STX8: variants seen among roughly 807,000 people sequenced by gnomAD.
STX8 encodes the protein syntaxin 8.
STX8 carries 23 observed loss-of-function variants against 37.5 expected under a neutral mutation model. The ratio of observed to expected loss-of-function variants is 0.61; its 90% confidence interval spans 0.44 to 0.87. STX8 has a LOEUF of 0.87. Ranked by LOEUF, STX8 falls within the 40% of genes least tolerant of loss-of-function variation. The pLI is 0.00. For synonymous variants in STX8, 115 were observed against 99.1 expected (o/e 1.16, Z -0.95); for missense variants, 313 against 284.7 (o/e 1.10, Z -0.71).
intron 7 of STX8, among the ~76,000 whole-genome samples, chr17:9,373,502 T>C (rs1458064009): frequency 6.6e-6 from 1 of 152,166 alleles, no homozygotes; most frequent in Non-Finnish European, 1.5e-5. Context: ...ATAAGCCAGA[T>C]ATAAAAGTAT....
intron 6 of STX8, among the ~76,000 whole-genome samples, chr17:9,442,695 A>G (rs117819652): frequency 0.04 from 6,032 of 152,260 alleles, 164 homozygotes; most frequent in Middle Eastern, 0.085. Flanking sequence ...GGAACAAGCC[A>G]CTGTGCCCGG....
chr17:9,392,097 C>T (rs1161574978), intron 6 of STX8, among the ~76,000 whole-genome samples: 1 of 152,166 alleles, frequency 6.6e-6, no homozygotes, highest in African/African-American at 2.4e-5. Flanking sequence ...CCTGTGGCCT[C>T]AACTCAACCA....
At chr17:9,459,625 C>T (rs1905292030) in intron 6 of STX8, among the ~76,000 whole-genome samples, 1 of 152,198 alleles carries the variant, frequency 6.6e-6, no homozygotes, top group South Asian at 2.1e-4. Context: ...ACTCCATTCT[C>T]CTGCTTTAAC....
At chr17:9,556,819 ATT>A (rs1491344136) in intron 3 of STX8, 3 of 143,756 alleles carry the variant, frequency 2.1e-5, no homozygotes, top group South Asian at 4.3e-4. Context: ...ATATATATAT[ATT>A]TTAACACTTG....
At chr17:9,563,515 CAT>C (rs111974666) in intron 2 of STX8, among the ~76,000 whole-genome samples, 1,872 of 151,940 alleles carry the variant, frequency 0.012, 37 homozygotes, top group African/African-American at 0.042. Flanking sequence ...AAAGGAAAAA[CAT>C]AACACACAGA....
intron 5 of STX8, among the ~76,000 whole-genome samples, chr17:9,501,457 G>A (rs543286593): frequency 2.0e-5 from 3 of 152,262 alleles, no homozygotes; most frequent in Admixed American, 6.5e-5. Flanking sequence ...TTGGGAGGCC[G>A]AGGTGGGTGG....
intron 4 of STX8, among the ~76,000 whole-genome samples, chr17:9,511,859 A>C (rs1408010337): frequency 6.6e-6 from 1 of 152,188 alleles, no homozygotes; most frequent in Non-Finnish European, 1.5e-5. Context: ...CCAAAAAAAA[A>C]CCTCTCAGAA....
intron 7 of STX8, among the ~76,000 whole-genome samples, chr17:9,327,715 G>A (rs562108967): frequency 3.1e-4 from 47 of 152,088 alleles, no homozygotes; most frequent in African/African-American, 7.2e-4. Context: ...TCACTCTGTC[G>A]CCCAAGCTGC....
At chr17:9,389,793 G>C (rs1297232720) in intron 6 of STX8, among the ~76,000 whole-genome samples, 2 of 152,034 alleles carry the variant, frequency 1.3e-5, no homozygotes, top group East Asian at 3.9e-4. Context: ...TGAAGATAGA[G>C]TTTTTCTTGA....
At chr17:9,473,375 T>A (rs2142441919) in intron 6 of STX8, among the ~76,000 whole-genome samples, 1 of 152,284 alleles carries the variant, frequency 6.6e-6, no homozygotes, top group East Asian at 1.9e-4. Flanking sequence ...GTTTCCTTGC[T>A]GTAATATAAT....
At chr17:9,351,300 G>A (rs7214813) in intron 7 of STX8, among the ~76,000 whole-genome samples, 15,210 of 149,698 alleles carry the variant, frequency 0.1, 831 homozygotes, top group Middle Eastern at 0.18. Context: ...TGGGATTACA[G>A]GCGCGCACCA....
chr17:9,358,621 C>T (rs1270882506), intron 7 of STX8, among the ~76,000 whole-genome samples: 1 of 152,136 alleles, frequency 6.6e-6, no homozygotes, highest in African/African-American at 2.4e-5. Context: ...TTCGGTGACA[C>T]ATTGAGGAGA....
In STX8 at chr17:9,557,267, A is replaced by G. The variant is rs1003665001; in HGVS notation, c.212+167T>C. 6.9e-6 allele frequency: 4 copies of G among 581,460 alleles called. No homozygotes were observed. The African/African-American group carries it at 7.5e-5, about 11-fold the overall frequency. 36.0% of individuals were successfully genotyped at this position (581,460 alleles called of 1,614,324 possible). A position where few individuals can be genotyped will look rare whatever the true frequency, so the allele number is the denominator to read the frequency against. ...TTTGCCAGCATATTCACTGTAAAAC[A>G]TGTAACAGACACTTAAAATAGAAAT... is the stretch of plus-strand genomic sequence containing the variant. On this transcript the variant is annotated intron_variant, in intron 3 of 7. Coordinates refer to ENST00000306357, the MANE Select transcript of STX8 (RefSeq NM_004853.3).
chr17:9,518,847 C>T (rs372185908), intron 4 of STX8, among the ~76,000 whole-genome samples: 21 of 144,600 alleles, frequency 1.5e-4, no homozygotes, highest in African/African-American at 4.5e-4. Context: ...CCAGCCTGGG[C>T]GGCAGAGCGA....
At chr17:9,452,728 T>C (rs16958291) in intron 6 of STX8, among the ~76,000 whole-genome samples, 39,144 of 151,786 alleles carry the variant, frequency 0.26, 6,477 homozygotes, top group East Asian at 0.7. Flanking sequence ...TACACTGCCT[T>C]GGTTGTTGAT....
rs540546383 is a variant in STX8 at position 9,397,874 on chromosome 17, G to C, written c.542-19221C>G. Reference sequence around the variant, plus strand: ...TTGGTGGCAGTTGCCTGTAATATCAGGTACTCAGGAAGCTGAGGCAGGAGA... The same window carrying C: ...TTGGTGGCAGTTGCCTGTAATATCACGTACTCAGGAAGCTGAGGCAGGAGA... On this transcript the variant is annotated intron_variant, in intron 6 of 7. Transcript: ENST00000306357. Among the ~76,000 whole-genome samples, 7 of 151,656 alleles carry C rather than the reference G, an allele frequency of 4.6e-5. No homozygotes were observed. In the East Asian group the frequency reaches 1.4e-3, roughly 30 times the overall value.
chr17:9,431,356 A>G (rs1913968759), intron 6 of STX8, among the ~76,000 whole-genome samples: 1 of 151,042 alleles, frequency 6.6e-6, no homozygotes, highest in African/African-American at 2.4e-5. Flanking sequence ...GGTGTGAGCC[A>G]CTGCGCCTGG....
At position 9,500,874 on chromosome 17, in the gene STX8, G is replaced by A. The variant is rs941401792; in HGVS notation, c.448+4164C>T. 3.3e-4 allele frequency among the ~76,000 whole-genome samples: 50 copies of A among 151,992 alleles called. 1 individual carries two copies. Among genetic ancestry groups the A allele is most frequent in the African/African-American group, 6.5e-4 (27 of 41,390 alleles). ...CAAAAAATTAGCCGCGCGTGGTGGC[G>A]GGCACCTGTAGTCCCAGCTACTTGG... is the stretch of plus-strand genomic sequence containing the variant. On this transcript the variant is annotated intron_variant, in intron 5 of 7. Coordinates refer to ENST00000306357, the MANE Select transcript of STX8 (RefSeq NM_004853.3).
intron 4 of STX8, among the ~76,000 whole-genome samples, chr17:9,506,806 C>A (rs1904855852): frequency 6.6e-6 from 1 of 152,082 alleles, no homozygotes; most frequent in Non-Finnish European, 1.5e-5. Context: ...ACTCCCCACC[C>A]ACTCCATGAG....
Sources: gnomAD v4.1 joint callset for allele counts (sites outside exome capture counted in the v4.1 genomes callset) on GRCh38, gnomAD v4.1.1 for gene constraint, MANE v1.5 for transcripts, NCBI Gene and HGNC (gene_info 2026-07-23, HGNC 2026-07-21) for gene names.